CHL1: variants seen among roughly 807,000 people sequenced by gnomAD.
CHL1 encodes the protein cell adhesion molecule L1 like, also known as neural cell adhesion molecule L1-like protein.
In CHL1, 96 loss-of-function variants were observed where a neutral mutation model predicts 141.9. That is an observed-to-expected ratio of 0.68 (90% CI 0.57 to 0.80). CHL1 has a LOEUF of 0.80. CHL1 is among the 30% of genes least tolerant of loss of function. The pLI is 0.00. For missense variants in CHL1, 1,820 were observed against 1,457.2 expected (o/e 1.25, Z -4.05); for synonymous variants, 613 against 502.2 (o/e 1.22, Z -2.95).
intron 2 of CHL1, among the ~76,000 whole-genome samples, chr3:245,643 A>T (rs967314148): frequency 9.9e-5 from 15 of 152,160 alleles, no homozygotes; most frequent in African/African-American, 3.4e-4. Context: ...TACTTGGTGC[A>T]TGAAGAATTT....
chr3:253,339 G>T (rs1163899216), intron 2 of CHL1, among the ~76,000 whole-genome samples: 1 of 152,128 alleles, frequency 6.6e-6, no homozygotes, highest in Non-Finnish European at 1.5e-5. Flanking sequence ...GTTCTTCTCT[G>T]AGGAGTTATT....
chr3:255,668 G>A (rs190942780), intron 2 of CHL1, among the ~76,000 whole-genome samples: 15 of 152,342 alleles, frequency 9.8e-5, no homozygotes, highest in Non-Finnish European at 1.3e-4. Context: ...GATCATCTGT[G>A]TACTTCAAGC....
intron 5 of CHL1, among the ~76,000 whole-genome samples, chr3:328,768 T>A (rs187859161): frequency 7.0e-4 from 107 of 152,268 alleles, no homozygotes; most frequent in African/African-American, 2.3e-3. Context: ...TGATCACAGC[T>A]AATGGAGACA....
chr3:220,026 A>G (rs894401659), intron 1 of CHL1, among the ~76,000 whole-genome samples: 47 of 152,242 alleles, frequency 3.1e-4, no homozygotes, highest in African/African-American at 1.1e-3. Flanking sequence ...ATGCAACAAA[A>G]TAAATGACTC....
chr3:378,435 C>CGTT (rs1251191389), intron 16 of CHL1, among the ~76,000 whole-genome samples: 1 of 152,018 alleles, frequency 6.6e-6, no homozygotes, highest in Non-Finnish European at 1.5e-5. Context: ...TGATTTTTGT[C>CGTT]GTTGTTGTTG....
In CHL1 at chr3:276,700, T is replaced by C. The variant is rs75416432; in HGVS notation, c.-95+32008T>C. On this transcript the variant is annotated intron_variant, in intron 2 of 27. Transcript: ENST00000256509. Reference sequence around the variant, plus strand: ...GTCAGGAGATTGAGACCGTCCTGGCTAACAGGGTGAAATCCCTTCTCTACT... The same window carrying C: ...GTCAGGAGATTGAGACCGTCCTGGCCAACAGGGTGAAATCCCTTCTCTACT... Among the ~76,000 whole-genome samples, 1,052 of 151,796 alleles carry C rather than the reference T, an allele frequency of 6.9e-3. 12 individuals are homozygous for C. The highest frequency in any genetic ancestry group is 0.019 in the African/African-American group (806 of 41,432).
At chr3:401,335 G>T (rs1361381079) in intron 26 of CHL1, among the ~76,000 whole-genome samples, 1 of 152,112 alleles carries the variant, frequency 6.6e-6, no homozygotes, top group East Asian at 1.9e-4. Flanking sequence ...ACTCAGTTGG[G>T]CTCTTCCAAT....
chr3:236,732 T>C lies in CHL1; in HGVS notation c.-174-7881T>C, dbSNP rs1006847260. Reference sequence around the variant, plus strand: ...TTTATTTCAGTCTATCTATTCTTTGTATTCATCTTTCCACACTAAAGATTT... The same window carrying C: ...TTTATTTCAGTCTATCTATTCTTTGCATTCATCTTTCCACACTAAAGATTT... On this transcript the variant is annotated intron_variant, in intron 1 of 27. Coordinates refer to ENST00000256509, the MANE Select transcript of CHL1 (RefSeq NM_006614.4). 6.9e-5 allele frequency among the ~76,000 whole-genome samples: 10 copies of C among 145,488 alleles called. 1 individual carries two copies. Among genetic ancestry groups the C allele is most frequent in the African/African-American group, 2.6e-4 (9 of 35,164 alleles).
intron 10 of CHL1, 42 bp downstream of exon 10, chr3:349,585 A>G (rs1703070087): frequency 6.5e-7 from 1 of 1,541,242 alleles, no homozygotes; most frequent in African/African-American, 1.4e-5. Flanking sequence ...TTTTCAAAAA[A>G]GTAACTGTAT....
chr3:256,436 T>C (rs889709050), intron 2 of CHL1, among the ~76,000 whole-genome samples: 1 of 152,230 alleles, frequency 6.6e-6, no homozygotes, highest in Non-Finnish European at 1.5e-5. Flanking sequence ...TACCTTTGGT[T>C]TGGACCAGAG....
intron 6 of CHL1, among the ~76,000 whole-genome samples, chr3:341,190 C>G (rs963722174): frequency 6.6e-6 from 1 of 152,104 alleles, no homozygotes; most frequent in African/African-American, 2.4e-5. Context: ...TTTAGTAATG[C>G]TCTACCTGCT....
At chr3:361,144 G>C (rs1437570441) in intron 12 of CHL1, among the ~76,000 whole-genome samples, 1 of 151,758 alleles carries the variant, frequency 6.6e-6, no homozygotes, top group Non-Finnish European at 1.5e-5. Context: ...TTAATAAATG[G>C]TGCTGGGAAA....
chr3:397,403 C>A (rs1365985752), intron 24 of CHL1, among the ~76,000 whole-genome samples: 3 of 151,972 alleles, frequency 2.0e-5, no homozygotes, highest in Non-Finnish European at 4.4e-5. Context: ...CATATACCCA[C>A]TTAAAATAGC....
At chr3:313,894 AT>A (rs1699948411) in intron 2 of CHL1, among the ~76,000 whole-genome samples, 1 of 152,108 alleles carries the variant, frequency 6.6e-6, no homozygotes, top group Admixed American at 6.5e-5. Flanking sequence ...ATGGGCTTAC[AT>A]TTTCTTTAGG....
At chr3:275,487 A>G (rs951534189) in intron 2 of CHL1, among the ~76,000 whole-genome samples, 2 of 152,202 alleles carry the variant, frequency 1.3e-5, no homozygotes, top group Admixed American at 1.3e-4. Flanking sequence ...CCACATCTCT[A>G]TAGAACAAAG....
chr3:399,080 T>C lies in CHL1; in HGVS notation c.3317T>C (p.Ile1106Thr), dbSNP rs752239328. ...QGWFIGLMCA[I>T]ALLTLLLLTV... is the part of the protein sequence containing the mutation. The stretch of plus-strand genomic sequence containing the variant: ...TGGTTTATTGGACTGATGTGTGCGA[T>C]TGCTCTTCTCACACTACTATTATTA... The change falls in exon 26 of 28, where the codon ATT becomes ACT. Residue 1106 changes from isoleucine (I) to threonine (T), a missense_variant. Ile to Thr is a moderately conservative substitution (Grantham distance 89, BLOSUM62 -1). Coordinates refer to ENST00000256509, the MANE Select transcript of CHL1 (RefSeq NM_006614.4). 19 of 1,603,800 alleles carry C rather than the reference T, an allele frequency of 1.2e-5. No individual in the cohort carries two copies. In the Admixed American group the frequency reaches 3.0e-4, roughly 25 times the overall value.
At chr3:336,065 A>G (rs1457950403) in intron 5 of CHL1, among the ~76,000 whole-genome samples, 2 of 152,248 alleles carry the variant, frequency 1.3e-5, no homozygotes, top group Non-Finnish European at 1.5e-5. Flanking sequence ...ACTGAAACAT[A>G]TTAAGTAGCA....
At chr3:214,730 T>C (rs965858956) in intron 1 of CHL1, among the ~76,000 whole-genome samples, 2 of 152,332 alleles carry the variant, frequency 1.3e-5, no homozygotes, top group African/African-American at 4.8e-5. Flanking sequence ...TTTTCACTTA[T>C]ATCTACAAAT....
rs543600836 is a variant in CHL1, at chr3:405,150, A to G, written c.3459-345A>G. Among the ~76,000 whole-genome samples, 7 of 152,280 alleles carry G rather than the reference A, an allele frequency of 4.6e-5. No individual in the cohort carries two copies. In the South Asian group the frequency reaches 1.2e-3, roughly 27 times the overall value. On this transcript the variant is annotated intron_variant, in intron 27 of 27. Coordinates refer to ENST00000256509, the MANE Select transcript of CHL1 (RefSeq NM_006614.4). ...CAGGTTTTAACATAGGAAGCTTGGG[A>G]GGACACAGATATTCAGACCATAGCA...
Sources: allele counts gnomAD v4.1 joint callset (sites outside exome capture counted in the v4.1 genomes callset), GRCh38; gene constraint gnomAD v4.1.1; transcripts MANE v1.5; gene names NCBI Gene and HGNC (gene_info 2026-07-23, HGNC 2026-07-21).